MAP4: variants seen among roughly 807,000 people sequenced by gnomAD.
The protein encoded by MAP4 is microtubule associated protein 4.
MAP4 carries 76 observed loss-of-function variants against 170.2 expected under a neutral mutation model. The ratio of observed to expected loss-of-function variants is 0.45; its 90% CI spans 0.37 to 0.54. The LOEUF (loss-of-function observed/expected upper bound fraction) is 0.54. Among genes scored for constraint, MAP4 ranks in the 20% least tolerant of loss-of-function variants. The pLI is 0.00. For synonymous variants in MAP4, 909 were observed against 994.5 expected (o/e 0.91, Z 1.62); for missense variants, 2,506 against 2,748.0 (o/e 0.91, Z 1.97).
At chr3:47,893,159 A>C (rs1430256286) in intron 10 of MAP4, among the ~76,000 whole-genome samples, 1 of 152,218 alleles carries the variant, frequency 6.6e-6, no homozygotes, top group East Asian at 1.9e-4. Context: ...GGGGTCCCCA[A>C]AACCCGTAAG....
Position 47,850,728 on chromosome 3 carries a change from C to CTT in MAP4, c.*2204_*2205dup, listed in dbSNP as rs989113677. The CTT allele has an allele frequency of 1.9e-5, 3 of 154,112 alleles. No individual in the cohort carries two copies. Among genetic ancestry groups the CTT allele is most frequent in the Admixed American group, 6.4e-5 (1 of 15,730 alleles). 9.5% of individuals were successfully genotyped at this position (154,112 alleles called of 1,614,324 possible). A position where few individuals can be genotyped will look rare whatever the true frequency, so the allele number is the denominator to read the frequency against. ...CATCAGGCAGCTTTATTTATTTACTCTTAAAACTGTTACAACAGAATCATG... is the reference window on the plus strand; with the variant it reads ...CATCAGGCAGCTTTATTTATTTACTCTTTTAAAACTGTTACAACAGAATCATG... On this transcript the variant is annotated 3_prime_UTR_variant, in exon 21 of 21. Coordinates refer to ENST00000683076, the MANE Select transcript of MAP4 (RefSeq NM_001385682.1).
At chr3:47,947,450 T>C (rs1302588602) in intron 3 of MAP4, among the ~76,000 whole-genome samples, 5 of 152,162 alleles carry the variant, frequency 3.3e-5, no homozygotes, top group African/African-American at 1.2e-4. Flanking sequence ...TTTCCTACTC[T>C]GCCTCATTTC....
At chr3:47,905,929 G>T (rs1165070643) in intron 9 of MAP4, among the ~76,000 whole-genome samples, 1 of 152,116 alleles carries the variant, frequency 6.6e-6, no homozygotes, top group South Asian at 2.1e-4. Context: ...GGGAGGTGGA[G>T]GTTGCAGTGA....
intron 2 of MAP4, among the ~76,000 whole-genome samples, chr3:47,996,481 A>G (rs1315420128): frequency 6.6e-6 from 1 of 152,218 alleles, no homozygotes; most frequent in African/African-American, 2.4e-5. Flanking sequence ...ACGGGTACAC[A>G]GGGAAGGCTG....
chr3:47,875,590 G>C, intron 12 of MAP4, 95 bp downstream of exon 12: 1 of 1,159,436 alleles, frequency 8.6e-7, no homozygotes, highest in African/African-American at 1.6e-5. Context: ...AATTCCACCA[G>C]CCTGATTCTG....
rs1576554281 is a variant in MAP4, at chr3:47,852,744, A to G, written c.*190T>C. On this transcript the variant is annotated 3_prime_UTR_variant, in exon 21 of 21. Coordinates refer to ENST00000683076, the MANE Select transcript of MAP4 (RefSeq NM_001385682.1). ...CCCCGGGCACGCAAAGCAGGAGGGA[A>G]GGCGAGCCTAGCGGGCTGCCCAGCA... is the stretch of plus-strand genomic sequence containing the variant. 4 of 1,534,924 alleles carry G rather than the reference A, an allele frequency of 2.6e-6. No individual in the cohort carries two copies. The highest frequency in any genetic ancestry group is 3.5e-6 in the Non-Finnish European group (4 of 1,142,624).
At chr3:47,975,257 C>T in intron 3 of MAP4, 1 of 1,411,984 alleles carries the variant, frequency 7.1e-7, no homozygotes, top group Admixed American at 2.7e-5. Context: ...CCATCAAACC[C>T]TGCAGAGCAC....
intron 3 of MAP4, among the ~76,000 whole-genome samples, chr3:47,956,964 C>A (rs969925192): frequency 2.0e-5 from 3 of 152,190 alleles, no homozygotes; most frequent in African/African-American, 7.2e-5. Context: ...AACTAGCTAA[C>A]CACCTGGTGG....
At chr3:47,917,910 T>C (rs1417282895) in intron 6 of MAP4, among the ~76,000 whole-genome samples, 2 of 152,108 alleles carry the variant, frequency 1.3e-5, no homozygotes, top group Admixed American at 1.3e-4. Flanking sequence ...TGCAGTAGCA[T>C]GATCTCGGCT....
chr3:48,077,638 C>T (rs1019026270), intron 1 of MAP4, among the ~76,000 whole-genome samples: 3 of 151,660 alleles, frequency 2.0e-5, no homozygotes, highest in East Asian at 3.9e-4. Flanking sequence ...CCACGCCTGG[C>T]GATAAATAAT....
chr3:48,026,661 A>C (rs916289507), intron 1 of MAP4, among the ~76,000 whole-genome samples: 7 of 152,192 alleles, frequency 4.6e-5, no homozygotes, highest in African/African-American at 1.7e-4. Flanking sequence ...CAAATTAATA[A>C]AAGACTAAAT....
chr3:48,029,789 G>C (rs1355781844), intron 1 of MAP4, among the ~76,000 whole-genome samples: 2 of 151,354 alleles, frequency 1.3e-5, no homozygotes, highest in Non-Finnish European at 2.9e-5. Context: ...CACGAGGTCA[G>C]GGGATCAAGG....
rs752169370 is a variant in MAP4 at position 47,852,996 on chromosome 3, A to AC, written c.6887-59dup. The stretch of plus-strand genomic sequence containing the variant: ...GGAACAGGGGAGACAAGAGGGGAAC[A>AC]CGGGGGAGACGGAAGACGAGACCAG... On this transcript the variant is annotated intron_variant, in intron 20 of 20. Coordinates refer to ENST00000683076, the MANE Select transcript of MAP4 (RefSeq NM_001385682.1). 1.6e-5 allele frequency: 26 copies of AC among 1,614,174 alleles called. No individual in the cohort carries two copies. The East Asian group carries it at 4.5e-4, about 28-fold the overall frequency.
intron 5 of MAP4, among the ~76,000 whole-genome samples, chr3:47,920,458 G>A (rs894589259): frequency 6.6e-6 from 1 of 152,012 alleles, no homozygotes; most frequent in African/African-American, 2.4e-5. Flanking sequence ...GGCCAGGCTG[G>A]TCTTGAACTC....
At chr3:47,951,941 T>G (rs183818583) in intron 3 of MAP4, among the ~76,000 whole-genome samples, 1 of 150,386 alleles carries the variant, frequency 6.6e-6, no homozygotes, top group East Asian at 2.0e-4. Context: ...AACTAGGAAG[T>G]GTGGAGCGTC....
intron 1 of MAP4, among the ~76,000 whole-genome samples, chr3:48,078,858 A>G (rs779801246): frequency 6.6e-6 from 1 of 152,182 alleles, no homozygotes. Flanking sequence ...TTATATGCTG[A>G]GCATCCCAAA....
intron 4 of MAP4, among the ~76,000 whole-genome samples, chr3:47,923,794 G>A (rs981410347): frequency 6.6e-6 from 1 of 151,990 alleles, no homozygotes; most frequent in Non-Finnish European, 1.5e-5. Context: ...TACAGCCTGG[G>A]TGACAAAGTG....
intron 10 of MAP4, chr3:47,891,946 A>G: frequency 3.9e-6 from 6 of 1,536,122 alleles, no homozygotes; most frequent in Non-Finnish European, 5.2e-6. Flanking sequence ...GGTTCCAAAC[A>G]CTGGTTTCCT....
In MAP4 at chr3:47,910,372, T is replaced by C. The variant is rs1465437346; in HGVS notation, c.4049A>G (p.Asn1350Ser). 2.6e-6 allele frequency: 4 copies of C among 1,537,734 alleles called. No homozygotes were observed. The highest frequency in any genetic ancestry group is 4.9e-5 in the East Asian group (2 of 41,046). The change falls in exon 9 of 21, where the codon AAT becomes AGT. Residue 1350 changes from asparagine to serine, a missense_variant. This residue lies in a region of MAP4 where 2,008 missense variants were observed against 2,206.0 expected (regional missense o/e 0.91). Coordinates refer to ENST00000683076, the MANE Select transcript of MAP4 (RefSeq NM_001385682.1). ...TTTGTCAGCCACTGCAGTGTATCTA[T>C]TGGCTGCATCTGTCTTATTCTCCTC... ...VSEENKTDAANRYTAVADKPS... is the reference protein window; with the variant it reads ...VSEENKTDAASRYTAVADKPS...
Sources: allele counts gnomAD v4.1 joint callset (sites outside exome capture counted in the v4.1 genomes callset), GRCh38; gene constraint gnomAD v4.1.1; regional missense constraint gnomAD v4.1.1; transcripts MANE v1.5; gene names NCBI Gene and HGNC (gene_info 2026-07-23, HGNC 2026-07-21).